LRMDA: variants seen among roughly 807,000 people sequenced by gnomAD.
The protein encoded by LRMDA is leucine rich melanocyte differentiation associated.
In LRMDA, 18 loss-of-function variants were observed where a neutral mutation model predicts 29.8. The ratio of observed to expected loss-of-function variants is 0.60; its 90% CI spans 0.42 to 0.90. The LOEUF is 0.90. Ranked by LOEUF, LRMDA falls within the 40% of genes least tolerant of loss-of-function variation. LRMDA has a pLI of 0.00. For synonymous variants in LRMDA, 125 were observed against 109.4 expected (o/e 1.14, Z -0.89); for missense variants, 273 against 273.9 (o/e 1.00, Z 0.02).
At chr10:76,283,178 C>T (rs1221498221) in intron 5 of LRMDA, among the ~76,000 whole-genome samples, 1 of 152,196 alleles carries the variant, frequency 6.6e-6, no homozygotes, top group African/African-American at 2.4e-5. Context: ...ATAAACTCTG[C>T]AATGAGTTTA....
intron 2 of LRMDA, among the ~76,000 whole-genome samples, chr10:75,682,228 T>C (rs1019039266): frequency 6.6e-6 from 1 of 152,198 alleles, no homozygotes; most frequent in African/African-American, 2.4e-5. Flanking sequence ...AGAGCGAAGA[T>C]AGCATCCTGT....
At chr10:75,814,946 A>T (rs991249147) in intron 2 of LRMDA, among the ~76,000 whole-genome samples, 1 of 152,212 alleles carries the variant, frequency 6.6e-6, no homozygotes, top group Non-Finnish European at 1.5e-5. Context: ...TCTTCTGTTT[A>T]CAATAATATC....
intron 6 of LRMDA, among the ~76,000 whole-genome samples, chr10:76,406,255 C>T (rs980004255): frequency 6.6e-6 from 1 of 152,174 alleles, no homozygotes; most frequent in African/African-American, 2.4e-5. Flanking sequence ...GTTTCCGTGC[C>T]ATCTTTTAAT....
chr10:76,398,043 C>T (rs1261148540), intron 6 of LRMDA, among the ~76,000 whole-genome samples: 1 of 152,204 alleles, frequency 6.6e-6, no homozygotes, highest in Non-Finnish European at 1.5e-5. Flanking sequence ...CATCTGAGTT[C>T]TATTCTACTG....
At chr10:75,500,839 C>T (rs1845105164) in intron 2 of LRMDA, among the ~76,000 whole-genome samples, 1 of 152,156 alleles carries the variant, frequency 6.6e-6, no homozygotes, top group African/African-American at 2.4e-5. Flanking sequence ...AATCACCTCC[C>T]ACCAGGTCCC....
At chr10:75,870,808 C>T (rs1736576962) in intron 2 of LRMDA, among the ~76,000 whole-genome samples, 1 of 152,128 alleles carries the variant, frequency 6.6e-6, no homozygotes, top group South Asian at 2.1e-4. Flanking sequence ...TGATATTTAC[C>T]CCTGTCTCCA....
At chr10:76,520,235 CCTT>C (rs1843104809) in intron 6 of LRMDA, among the ~76,000 whole-genome samples, 1 of 151,112 alleles carries the variant, frequency 6.6e-6, no homozygotes, top group Admixed American at 6.6e-5. Flanking sequence ...TTGTTCTTTT[CCTT>C]CTATTTTGTA....
chr10:76,470,021 A>C (rs775235696), intron 6 of LRMDA, among the ~76,000 whole-genome samples: 1 of 152,118 alleles, frequency 6.6e-6, no homozygotes. Context: ...ACCAGAAACC[A>C]ATAGGATGGC....
intron 6 of LRMDA, among the ~76,000 whole-genome samples, chr10:76,361,660 G>A (rs112386980): frequency 0.011 from 1,712 of 152,172 alleles, 21 homozygotes; most frequent in African/African-American, 0.028. Flanking sequence ...TCCAATATGT[G>A]CCAGTTGAAA....
chr10:75,685,697 G>A (rs1399341161), intron 2 of LRMDA, among the ~76,000 whole-genome samples: 2 of 152,326 alleles, frequency 1.3e-5, no homozygotes, highest in African/African-American at 2.4e-5. Context: ...TAAAGGCGAT[G>A]ACAGAAGTAT....
intron 2 of LRMDA, among the ~76,000 whole-genome samples, chr10:75,829,503 G>GT (rs1564579686): frequency 6.6e-6 from 1 of 152,210 alleles, no homozygotes; most frequent in Non-Finnish European, 1.5e-5. Context: ...AAAAAATAAT[G>GT]TTTTTCTGAT....
At chr10:75,900,780 C>A (rs1382095070) in intron 2 of LRMDA, among the ~76,000 whole-genome samples, 1 of 152,126 alleles carries the variant, frequency 6.6e-6, no homozygotes, top group Non-Finnish European at 1.5e-5. Context: ...ATGCCCACCC[C>A]CCCACCTTTC....
At chr10:75,862,210 A>ACACACG (rs1261528691) in intron 2 of LRMDA, among the ~76,000 whole-genome samples, 1 of 151,262 alleles carries the variant, frequency 6.6e-6, no homozygotes, top group African/African-American at 2.4e-5. Flanking sequence ...ACACACACAC[A>ACACACG]CGCACTTAAG....
chr10:76,234,343 A>T (rs111879788), intron 5 of LRMDA, among the ~76,000 whole-genome samples: 1,780 of 152,326 alleles, frequency 0.012, 45 homozygotes, highest in African/African-American at 0.038. Context: ...ATGTGCTGTC[A>T]TCCAGGCTTT....
intron 6 of LRMDA, among the ~76,000 whole-genome samples, chr10:76,550,707 C>T (rs1014924837): frequency 6.6e-6 from 1 of 151,984 alleles, no homozygotes; most frequent in Admixed American, 6.5e-5. Context: ...ATTTCATCTC[C>T]AACCTAAGGC....
chr10:76,343,003 T>A (rs545565857), intron 6 of LRMDA, among the ~76,000 whole-genome samples: 2 of 152,028 alleles, frequency 1.3e-5, no homozygotes, highest in African/African-American at 4.8e-5. Flanking sequence ...AACCCTGATC[T>A]GTACTGTTTG....
chr10:75,829,977 C>T (rs1487606598), intron 2 of LRMDA, among the ~76,000 whole-genome samples: 1 of 151,358 alleles, frequency 6.6e-6, no homozygotes, highest in Non-Finnish European at 1.5e-5. Context: ...AGTGAAAGGG[C>T]TTCCCTCCTT....
intron 5 of LRMDA, among the ~76,000 whole-genome samples, chr10:76,123,907 G>A (rs1390339364): frequency 1.3e-5 from 2 of 152,218 alleles, no homozygotes; most frequent in Non-Finnish European, 2.9e-5. Flanking sequence ...AAGGATGGAT[G>A]GGTGAAAGAT....
At chr10:75,870,822 C>T (rs577993934) in intron 2 of LRMDA, among the ~76,000 whole-genome samples, 111 of 152,246 alleles carry the variant, frequency 7.3e-4, no homozygotes, top group African/African-American at 2.4e-3. Context: ...GTCTCCATGC[C>T]GATGATTTCC....
Sources: gnomAD v4.1 joint callset for allele counts (sites outside exome capture counted in the v4.1 genomes callset) on GRCh38, gnomAD v4.1.1 for gene constraint, MANE v1.5 for transcripts, NCBI Gene and HGNC (gene_info 2026-07-23, HGNC 2026-07-21) for gene names.